Variants in ATP2C2 observed in about 807,000 individuals in gnomAD.
ATP2C2 encodes the protein calcium-transporting ATPase type 2C member 2.
ATP2C2 carries 171 observed loss-of-function variants against 110.8 expected under a neutral mutation model. The ratio of observed to expected loss-of-function variants is 1.54; its 90% CI spans 1.36 to 1.75. ATP2C2 has a LOEUF of 1.75. Among genes scored for constraint, ATP2C2 ranks in the 40% most tolerant of loss-of-function variants. The pLI is 0.00. For missense variants in ATP2C2, 1,963 were observed against 1,235.0 expected (o/e 1.59, Z -8.84); for synonymous variants, 804 against 508.4 (o/e 1.58, Z -7.82).
rs1266757562 is a variant in ATP2C2 at position 84,423,830 on chromosome 16, C to T, written c.919+567C>T. Among the ~76,000 whole-genome samples the T allele has an allele frequency of 5.9e-5, 9 of 152,208 alleles. 1 individual carries two copies. The highest frequency in any genetic ancestry group is 2.2e-4 in the African/African-American group (9 of 41,460). ...CTGTGCACCCAAACATATTTCTATG[C>T]TTCTAAGCAGGCTGTTCCTGGACTG... On this transcript the variant is annotated intron_variant, in intron 10 of 26. Coordinates refer to ENST00000262429, the MANE Select transcript of ATP2C2 (RefSeq NM_014861.4).
intron 4 of ATP2C2, among the ~76,000 whole-genome samples, chr16:84,409,146 G>T (rs1284454184): frequency 1.3e-5 from 2 of 152,104 alleles, no homozygotes; most frequent in Admixed American, 1.3e-4. Flanking sequence ...CATGTCCTTT[G>T]CAGGGACATG....
At chr16:84,426,036 C>G in intron 11 of ATP2C2, 1 of 502,966 alleles carries the variant, frequency 2.0e-6, no homozygotes, top group Non-Finnish European at 3.5e-6. Context: ...TTGTATTAGG[C>G]TGTTCTTGCA....
chr16:84,446,336 T>G lies in ATP2C2; in HGVS notation c.1409T>G (p.Leu470Ter), dbSNP rs1458530765. 1.3e-6 allele frequency: 2 copies of G among 1,575,936 alleles called. No homozygotes were observed. Among genetic ancestry groups the G allele is most frequent in the Admixed American group, 3.6e-5 (2 of 55,552 alleles). Residue 470 changes from leucine to a stop codon, truncating the protein, a stop_gained, in exon 16 of 27, where the codon TTA becomes TGA. Transcript: ENST00000262429. LOFTEE classifies it high-confidence loss of function. ...ALMALAMKMD[L>*]SDIKNSYIRK... The stretch of plus-strand genomic sequence containing the variant: ...GTCATTTTATTATGCTAGATGGACT[T>G]AAGTGATATTAAAAATTCATATATA...
chr16:84,424,601 A>G (rs926336612), intron 10 of ATP2C2, among the ~76,000 whole-genome samples: 16 of 81,034 alleles, frequency 2.0e-4, no homozygotes, highest in Non-Finnish European at 3.6e-4. Context: ...TTTTTTTTTA[A>G]CATTTTGGGA....
chr16:84,427,069 C>T (rs372402575), intron 11 of ATP2C2, among the ~76,000 whole-genome samples: 7 of 152,290 alleles, frequency 4.6e-5, no homozygotes, highest in African/African-American at 9.6e-5. Context: ...TGCCAGGACA[C>T]GGAGGAACCA....
At chr16:84,404,661 G>T (rs1905589831) in intron 2 of ATP2C2, 5 of 328,188 alleles carry the variant, frequency 1.5e-5, no homozygotes, top group South Asian at 2.6e-5. Flanking sequence ...GAACATGGTT[G>T]TACAAACATC....
intron 7 of ATP2C2, 92 bp from the exon 8 acceptor site, chr16:84,422,298 G>T (rs1185475331): frequency 6.3e-6 from 9 of 1,432,674 alleles, no homozygotes; most frequent in Non-Finnish European, 5.7e-6. Flanking sequence ...TTGAGTTCAT[G>T]TCCATGAAGG....
intron 2 of ATP2C2, among the ~76,000 whole-genome samples, chr16:84,399,928 C>T (rs1336369169): frequency 6.6e-6 from 1 of 152,214 alleles, no homozygotes; most frequent in East Asian, 1.9e-4. Flanking sequence ...CCTTTCCAGG[C>T]CCTGGTAACC....
At chr16:84,453,720 C>T (rs917197381) in intron 20 of ATP2C2, among the ~76,000 whole-genome samples, 6 of 152,142 alleles carry the variant, frequency 3.9e-5, no homozygotes, top group Non-Finnish European at 8.8e-5. Flanking sequence ...CCCACCAAAC[C>T]TGGGGATAAT....
chr16:84,419,757 C>T (rs990185500), intron 7 of ATP2C2, among the ~76,000 whole-genome samples: 4 of 152,156 alleles, frequency 2.6e-5, no homozygotes, highest in Non-Finnish European at 5.9e-5. Context: ...GGACACCGTG[C>T]AGGAAGCAGA....
At position 84,453,146 on chromosome 16, in the gene ATP2C2, A is replaced by T. The variant is rs1176994839; in HGVS notation, c.1840A>T (p.Ile614Phe). 6.2e-7 allele frequency: 1 copy of T among 1,611,702 alleles called. No homozygotes were observed. Among genetic ancestry groups the T allele is most frequent in the Non-Finnish European group, 8.5e-7 (1 of 1,178,784 alleles). ...LETALAIGRNIGLCNGKLQAM... is the reference protein window; with the variant it reads ...LETALAIGRNFGLCNGKLQAM... ...AACAGGTTCTTCTGAAGGAAGAAACATCGGCCTGTGCAACGGGAAGCTGCA... is the reference window on the plus strand; with the variant it reads ...AACAGGTTCTTCTGAAGGAAGAAACTTCGGCCTGTGCAACGGGAAGCTGCA... Residue 614 changes from isoleucine (I) to phenylalanine (F), a missense_variant, in exon 19 of 27, where the codon ATC becomes TTC. Physicochemically the swap from Ile to Phe is conservative, Grantham distance 21. Transcript: ENST00000262429.
At chr16:84,396,549 CAA>C (rs57290176) in intron 1 of ATP2C2, among the ~76,000 whole-genome samples, 3,384 of 74,344 alleles carry the variant, frequency 0.046, 104 homozygotes, top group African/African-American at 0.13. Flanking sequence ...GGCTCTATCT[CAA>C]AAAAAAAAAA....
chr16:84,432,359 C>G (rs568803527), intron 11 of ATP2C2, among the ~76,000 whole-genome samples: 1 of 152,198 alleles, frequency 6.6e-6, no homozygotes, highest in South Asian at 2.1e-4. Context: ...TGGTGGTTTG[C>G]TGCACCTACC....
intron 6 of ATP2C2, among the ~76,000 whole-genome samples, chr16:84,415,195 C>T (rs968852376): frequency 6.6e-6 from 1 of 152,118 alleles, no homozygotes; most frequent in Non-Finnish European, 1.5e-5. Context: ...AACTGCTGAC[C>T]TTGGCCCCAG....
intron 1 of ATP2C2, among the ~76,000 whole-genome samples, chr16:84,380,646 A>C (rs922943260): frequency 3.1e-4 from 47 of 152,286 alleles, no homozygotes; most frequent in African/African-American, 1.1e-3. Flanking sequence ...GGAAGTCTAC[A>C]GCCCAGGCTG....
rs142428492 is a variant in ATP2C2, at chr16:84,375,169, C to G, written c.99+6455C>G. Among the ~76,000 whole-genome samples the G allele has an allele frequency of 2.6e-5, 4 of 152,346 alleles. No individual in the cohort carries two copies. The East Asian group carries it at 5.8e-4, about 22-fold the overall frequency. On this transcript the variant is annotated intron_variant, in intron 1 of 26. Transcript: ENST00000262429. ...GGATATCTAGATAGCAGAATTCTCACAGACACTGAAACAGATGCTGTAGAA... is the reference window on the plus strand; with the variant it reads ...GGATATCTAGATAGCAGAATTCTCAGAGACACTGAAACAGATGCTGTAGAA...
At chr16:84,454,629 G>A (rs1910617291) in intron 20 of ATP2C2, among the ~76,000 whole-genome samples, 189 bp from the exon 21 acceptor site, 1 of 152,202 alleles carries the variant, frequency 6.6e-6, no homozygotes, top group African/African-American at 2.4e-5. Flanking sequence ...CCACTTTGCA[G>A]ATAGGGAAAC....
chr16:84,461,825 C>G lies in ATP2C2; in HGVS notation c.2580+13C>G, dbSNP rs761516602. On this transcript the variant is annotated intron_variant, in intron 25 of 26. Transcript: ENST00000262429. ...CTGCCGCTCTCAGGTGAGACCCGGG[C>G]TGACCCTCCTCGCTGCAGAGCTGCT... is the stretch of plus-strand genomic sequence containing the variant. The G allele has an allele frequency of 6.2e-7, 1 of 1,612,138 alleles. No homozygotes were observed. The highest frequency in any genetic ancestry group is 8.5e-7 in the Non-Finnish European group (1 of 1,178,226).
intron 2 of ATP2C2, among the ~76,000 whole-genome samples, chr16:84,401,570 C>T (rs1046948012): frequency 6.6e-6 from 1 of 152,046 alleles, no homozygotes; most frequent in Non-Finnish European, 1.5e-5. Context: ...TTCCTGGTAC[C>T]ATTTATTAAA....
Sources: allele counts gnomAD v4.1 joint callset (sites outside exome capture counted in the v4.1 genomes callset), GRCh38; gene constraint gnomAD v4.1.1; transcripts MANE v1.5; gene names NCBI Gene and HGNC (gene_info 2026-07-23, HGNC 2026-07-21).